The following ZNF827 variants were observed in gnomAD, a reference collection of about 807,000 sequenced individuals.
The protein encoded by ZNF827 is zinc finger protein 827.
Under a neutral mutation model 102.4 loss-of-function variants are expected in ZNF827, and 13 were observed. The observed-to-expected ratio is 0.13, with a 90% confidence interval of 0.08 to 0.20. The LOEUF is 0.20. Among genes scored for constraint, ZNF827 ranks in the 10% least tolerant of loss-of-function variants. The pLI, the probability that ZNF827 is intolerant of heterozygous loss-of-function variation, is 1.00. For synonymous variants in ZNF827, 523 were observed against 536.2 expected (o/e 0.98, Z 0.34); for missense variants, 1,103 against 1,344.4 (o/e 0.82, Z 2.81).
chr4:145,874,022 A>G (rs916395254), intron 4 of ZNF827, among the ~76,000 whole-genome samples: 5 of 145,228 alleles, frequency 3.4e-5, no homozygotes, highest in Non-Finnish European at 6.1e-5. Context: ...GAAAGAGATG[A>G]AAAAAAAAAA....
At chr4:145,814,662 A>C (rs1303449856) in intron 8 of ZNF827, among the ~76,000 whole-genome samples, 1 of 150,866 alleles carries the variant, frequency 6.6e-6, no homozygotes, top group Non-Finnish European at 1.5e-5. Context: ...AGTGGCTCGC[A>C]CCTGTAATCC....
chr4:145,845,318 C>G (rs2126635755), intron 7 of ZNF827, among the ~76,000 whole-genome samples: 1 of 152,338 alleles, frequency 6.6e-6, no homozygotes, highest in African/African-American at 2.4e-5. Flanking sequence ...CTCACAACGG[C>G]AGATGGACGG....
At chr4:145,817,431 G>T (rs1742697799) in intron 8 of ZNF827, among the ~76,000 whole-genome samples, 1 of 152,186 alleles carries the variant, frequency 6.6e-6, no homozygotes, top group African/African-American at 2.4e-5. Context: ...AATTTACGAA[G>T]AAAAGAGGTT....
chr4:145,762,628 A>G lies in ZNF827; in HGVS notation c.*17+462T>C, dbSNP rs948625278. Among the ~76,000 whole-genome samples the G allele has an allele frequency of 6.6e-6, 1 of 151,838 alleles. No homozygotes were observed. Among genetic ancestry groups the G allele is most frequent in the Non-Finnish European group, 1.5e-5 (1 of 67,928 alleles). Reference sequence around the variant, plus strand: ...TTGTCAGGCTGGAGCTGGACACCCTAGCCTGGGCCTCTCTGTGGCTCGGTT... The same window carrying G: ...TTGTCAGGCTGGAGCTGGACACCCTGGCCTGGGCCTCTCTGTGGCTCGGTT... On this transcript the variant is annotated intron_variant, in intron 14 of 14. Coordinates refer to ENST00000508784, the MANE Select transcript of ZNF827 (RefSeq NM_001306215.2). This position sits in a 1 kb window ranked among gnomAD's most constrained non-coding sequence, Gnocchi z 4.9.
intron 4 of ZNF827, among the ~76,000 whole-genome samples, chr4:145,881,639 C>T (rs1174554552): frequency 2.0e-5 from 3 of 152,180 alleles, no homozygotes; most frequent in Non-Finnish European, 4.4e-5. Context: ...CCTTTATGCT[C>T]TGCACTGAAT....
At chr4:145,826,592 ATAT>A (rs1743705848) in intron 7 of ZNF827, among the ~76,000 whole-genome samples, 1 of 152,236 alleles carries the variant, frequency 6.6e-6, no homozygotes, top group Non-Finnish European at 1.5e-5. Context: ...GTTACACAGA[ATAT>A]TGTTATAATT....
intron 1 of ZNF827, among the ~76,000 whole-genome samples, chr4:145,937,328 C>T (rs1754263194): frequency 6.6e-6 from 1 of 151,906 alleles, no homozygotes; most frequent in South Asian, 2.1e-4. Flanking sequence ...GCACTTTAGT[C>T]CTGGACTCTG....
At chr4:145,934,606 A>G (rs1190178257) in intron 1 of ZNF827, among the ~76,000 whole-genome samples, 2 of 152,216 alleles carry the variant, frequency 1.3e-5, no homozygotes, top group Admixed American at 1.3e-4. Flanking sequence ...ACTTGGTATC[A>G]GATAATACCA....
In ZNF827 at chr4:145,899,419, C is replaced by A. The variant is rs188196775; in HGVS notation, c.1093+2747G>T. ...CCAAAATCAGTGATCCCCAGTAACACCAAATCATGTACCCATGATACAAAG... is the reference window on the plus strand; with the variant it reads ...CCAAAATCAGTGATCCCCAGTAACAACAAATCATGTACCCATGATACAAAG... On this transcript the variant is annotated intron_variant, in intron 2 of 14. Transcript: ENST00000508784. Among the ~76,000 whole-genome samples, 129 of 152,242 alleles carry A rather than the reference C, an allele frequency of 8.5e-4. 4 individuals carry two copies. The highest frequency in any genetic ancestry group is 4.2e-3 in the South Asian group (20 of 4,818).
chr4:145,929,229 C>T (rs1019909841), intron 1 of ZNF827, among the ~76,000 whole-genome samples: 1 of 152,176 alleles, frequency 6.6e-6, no homozygotes, highest in Non-Finnish European at 1.5e-5. Flanking sequence ...TGATTAGAAA[C>T]AGCAGACCCT....
intron 1 of ZNF827, among the ~76,000 whole-genome samples, chr4:145,936,959 T>G (rs556997920): frequency 6.6e-6 from 1 of 150,754 alleles, no homozygotes; most frequent in African/African-American, 2.4e-5. Flanking sequence ...CCCCGACCCC[T>G]CCCTCCGGCG....
chr4:145,869,410 T>C (rs1478523589), intron 5 of ZNF827, among the ~76,000 whole-genome samples: 2 of 152,222 alleles, frequency 1.3e-5, no homozygotes, highest in Non-Finnish European at 2.9e-5. Flanking sequence ...AAAAACAGCT[T>C]TCGATTCATA....
At chr4:145,806,599 GC>G (rs1001690099) in intron 8 of ZNF827, among the ~76,000 whole-genome samples, 2 of 151,634 alleles carry the variant, frequency 1.3e-5, no homozygotes, top group African/African-American at 2.4e-5. Context: ...TTCGACACTG[GC>G]AGAGAAGAAT....
At chr4:145,875,749 G>A in intron 4 of ZNF827, among the ~76,000 whole-genome samples, 1 of 152,138 alleles carries the variant, frequency 6.6e-6, no homozygotes, top group Non-Finnish European at 1.5e-5. Context: ...GCAACCCACT[G>A]AGAATTTTAT....
At chr4:145,903,355 A>G (rs1561062942) in intron 1 of ZNF827, 140 bp from the exon 2 acceptor site, 1 of 1,422,468 alleles carries the variant, frequency 7.0e-7, no homozygotes, top group South Asian at 1.6e-5. Flanking sequence ...GCCTTAACAG[A>G]ATGTCAGACA....
At chr4:145,904,599 C>T (rs898251145) in intron 1 of ZNF827, among the ~76,000 whole-genome samples, 1 of 152,180 alleles carries the variant, frequency 6.6e-6, no homozygotes, top group Admixed American at 6.5e-5. Flanking sequence ...GCCCATGGAA[C>T]AGCACTGAAG....
At position 145,870,290 on chromosome 4, in the gene ZNF827, C is replaced by G; in HGVS notation, c.1936G>C (p.Asp646His). The G allele has an allele frequency of 6.2e-7, 1 of 1,614,142 alleles. No homozygotes were observed. The highest frequency in any genetic ancestry group is 8.5e-7 in the Non-Finnish European group (1 of 1,180,012). ...QEGKGSVLRRDVSVKAASELL... is the reference protein window; with the variant it reads ...QEGKGSVLRRHVSVKAASELL... ...TCAGAGGCTGCTTTGACTGACACAT[C>G]CCGCCTTAGCACACTTCCCTTCCCT... Residue 646 changes from aspartate (D) to histidine (H), a missense_variant, in exon 5 of 15, where the codon GAT becomes CAT. This residue lies in a region of ZNF827 where 243 missense variants were observed against 251.6 expected (regional missense o/e 0.97). Transcript: ENST00000508784.
intron 8 of ZNF827, among the ~76,000 whole-genome samples, chr4:145,790,570 A>G (rs1324990515): frequency 6.6e-6 from 1 of 152,218 alleles, no homozygotes; most frequent in East Asian, 1.9e-4. Flanking sequence ...TCATTTCCAG[A>G]TATTATTCAA....
At chr4:145,846,749 G>A (rs181816837) in intron 6 of ZNF827, among the ~76,000 whole-genome samples, 72 of 133,748 alleles carry the variant, frequency 5.4e-4, no homozygotes, top group Middle Eastern at 5.6e-3. Context: ...CCCGGGAGGC[G>A]GAGCTTGCAG....
Sources: gnomAD v4.1 joint callset for allele counts (sites outside exome capture counted in the v4.1 genomes callset) on GRCh38, gnomAD v4.1.1 for gene constraint, gnomAD v4.1.1 regional missense constraint, Gnocchi (gnomAD v3.1) non-coding constraint, MANE v1.5 for transcripts, NCBI Gene and HGNC (gene_info 2026-07-23, HGNC 2026-07-21) for gene names.